RABL6: variants seen among roughly 807,000 people sequenced by gnomAD.
The protein encoded by RABL6 is RAB, member RAS oncogene family like 6, also known as rab-like protein 6.
In RABL6, 28 loss-of-function variants were observed where a neutral mutation model predicts 72.9. That is an observed-to-expected ratio of 0.38 (90% CI 0.28 to 0.53). The LOEUF (loss-of-function observed/expected upper bound fraction) is 0.53. Among genes scored for constraint, RABL6 ranks in the 20% least tolerant of loss-of-function variants. The pLI, the probability that RABL6 is intolerant of heterozygous loss-of-function variation, is 0.80. For missense variants in RABL6, 1,029 were observed against 1,008.4 expected (o/e 1.02, Z -0.28); for synonymous variants, 477 against 421.2 (o/e 1.13, Z -1.62).
At position 136,836,110 on chromosome 9, in the gene RABL6, G is replaced by A. The variant is rs530168557; in HGVS notation, c.809+265G>A. 2.2e-4 allele frequency: 87 copies of A among 400,354 alleles called. 1 individual carries two copies. The Admixed American group carries it at 2.5e-3, about 12-fold the overall frequency. The allele number at this position is 400,354 out of a possible 1,614,324, so 24.8% of individuals were successfully genotyped here. A position where few individuals can be genotyped will look rare whatever the true frequency, so the allele number is the denominator to read the frequency against. ...CCGCTGACCGTGGCCAGGTGCTGGT[G>A]CTCATGGAGTGCTGCTGGGGCTGCC... On this transcript the variant is annotated intron_variant, in intron 8 of 14. Transcript: ENST00000311502.
chr9:136,838,693 C>T (rs547640935), intron 10 of RABL6, among the ~76,000 whole-genome samples: 7 of 152,340 alleles, frequency 4.6e-5, no homozygotes, highest in South Asian at 4.1e-4. Flanking sequence ...ACTGAGCGGC[C>T]GCAGGGCAGC....
intron 5 of RABL6, among the ~76,000 whole-genome samples, chr9:136,829,808 G>A (rs1338517543): frequency 2.6e-5 from 4 of 152,240 alleles, no homozygotes; most frequent in African/African-American, 9.6e-5. Context: ...TGCTTGTGCT[G>A]GGGGCTCCCC....
rs777994206 is a variant in RABL6, at chr9:136,837,893, G to T, written c.1158G>T (p.Thr386=). The T allele has an allele frequency of 3.9e-6, 6 of 1,550,540 alleles. No homozygotes were observed. The highest frequency in any genetic ancestry group is 5.2e-6 in the Non-Finnish European group (6 of 1,147,634). The stretch of plus-strand genomic sequence containing the variant: ...TCCCGGCCGCAGAGGGCCCAGCAAC[G>T]GTCCAGAGTGTGGAGGACTTTGTTC... The part of the protein sequence containing the change: ...EPVPAAEGPA[T]VQSVEDFVPD... Residue 386 remains threonine (T), a synonymous_variant, in exon 10 of 15, where the codon ACG becomes ACT. Coordinates refer to ENST00000311502, the MANE Select transcript of RABL6 (RefSeq NM_024718.5).
At chr9:136,835,878 TG>T in intron 8 of RABL6, 33 bp downstream of exon 8, 1 of 1,539,702 alleles carries the variant, frequency 6.5e-7, no homozygotes. Flanking sequence ...GCGGGCGGTG[TG>T]GGGGCTGCGG....
chr9:136,819,990 C>T (rs1848204773), intron 1 of RABL6, among the ~76,000 whole-genome samples: 1 of 152,092 alleles, frequency 6.6e-6, no homozygotes, highest in Non-Finnish European at 1.5e-5. Context: ...ATTGCCTGAG[C>T]TCAGGAGTTT....
intron 3 of RABL6, 59 bp from the exon 4 acceptor site, chr9:136,828,435 C>T (rs1023131413): frequency 1.3e-5 from 21 of 1,574,252 alleles, no homozygotes; most frequent in Non-Finnish European, 1.7e-5. Flanking sequence ...GACCATGCTC[C>T]TCCTATGGCC....
At chr9:136,813,999 CT>C in intron 1 of RABL6, 2 of 406,004 alleles carry the variant, frequency 4.9e-6, no homozygotes, top group South Asian at 2.0e-5. Context: ...CTTGCTCTTT[CT>C]TACTGTCTTT....
intron 1 of RABL6, 24 bp downstream of exon 1, chr9:136,808,350 C>G (rs1046527582): frequency 6.7e-7 from 1 of 1,485,836 alleles, no homozygotes; most frequent in Non-Finnish European, 8.9e-7. Flanking sequence ...GCCGGGGGGG[C>G]GCGGGAGCGC....
At chr9:136,827,884 AGGGAGGGGACCACGG>A (rs1848391942) in intron 3 of RABL6, 1 of 152,626 alleles carries the variant, frequency 6.6e-6, no homozygotes, top group Non-Finnish European at 1.5e-5. Context: ...GTGGAGTTAA[AGGGAGGGGACCACGG>A]CCCCTCATTC....
intron 1 of RABL6, among the ~76,000 whole-genome samples, chr9:136,822,911 A>AC (rs1848271573): frequency 6.6e-6 from 1 of 151,924 alleles, no homozygotes; most frequent in Admixed American, 6.6e-5. Flanking sequence ...ACACGGTGAA[A>AC]CCCCGTCTCT....
intron 10 of RABL6, among the ~76,000 whole-genome samples, chr9:136,838,434 C>G (rs1848623825): frequency 6.6e-6 from 1 of 152,220 alleles, no homozygotes; most frequent in Admixed American, 6.5e-5. Flanking sequence ...CCCCAGCCAT[C>G]TGCCAGCCCC....
intron 1 of RABL6, among the ~76,000 whole-genome samples, chr9:136,817,511 A>T (rs1225679963): frequency 2.5e-4 from 32 of 126,302 alleles, no homozygotes; most frequent in South Asian, 1.5e-3. Context: ...ACGTGGGCTG[A>T]GGGGAGGCCG....
chr9:136,831,621 A>G, intron 5 of RABL6, 100 bp from the exon 6 acceptor site: 1 of 1,521,164 alleles, frequency 6.6e-7, no homozygotes, highest in Non-Finnish European at 9.0e-7. Flanking sequence ...GGAAATGAGA[A>G]GCAGCCACCA....
chr9:136,828,382 A>G (rs1588362213), intron 3 of RABL6, 112 bp from the exon 4 acceptor site: 1 of 1,067,190 alleles, frequency 9.4e-7, no homozygotes, highest in Non-Finnish European at 1.4e-6. Flanking sequence ...GGGGTGGTGG[A>G]GTAGAGCACC....
At position 136,839,066 on chromosome 9, in the gene RABL6, C is replaced by T. The variant is rs529257515; in HGVS notation, c.1438C>T (p.Pro480Ser). Reference protein sequence around the residue: ...SSEEEAEVAAPTKGPAPAPQQ... With the variant: ...SSEEEAEVAASTKGPAPAPQQ... ...TGAGGAGGAAGCAGAAGTGGCAGCT[C>T]CCACAAAAGGCCCTGCCCCAGCTCC... Residue 480 changes from proline to serine, a missense_variant, in exon 11 of 15, where the codon CCC (proline) becomes TCC (serine). This residue lies in a region of RABL6 where 595 missense variants were observed against 472.4 expected (regional missense o/e 1.26). Coordinates refer to ENST00000311502, the MANE Select transcript of RABL6 (RefSeq NM_024718.5). 3.1e-6 allele frequency: 5 copies of T among 1,612,342 alleles called. No individual in the cohort carries two copies. The highest frequency in any genetic ancestry group is 3.4e-6 in the Non-Finnish European group (4 of 1,179,774).
intron 7 of RABL6, among the ~76,000 whole-genome samples, chr9:136,834,929 T>TAAAA (rs71385775): frequency 1.3e-4 from 10 of 74,394 alleles, no homozygotes; most frequent in East Asian, 4.1e-4. Flanking sequence ...GACCCTGTTC[T>TAAAA]AAAAAAAAAA....
chr9:136,835,562 G>A (rs1848570120), intron 7 of RABL6, 180 bp from the exon 8 acceptor site: 1 of 585,760 alleles, frequency 1.7e-6, no homozygotes, highest in Non-Finnish European at 3.0e-6. Flanking sequence ...GGAATCCTCT[G>A]GGCTTCTGTG....
Position 136,837,411 on chromosome 9 carries a change from G to A in RABL6, c.875G>A (p.Ser292Asn). ...HASPLAANGQ[S>N]PSPGSQSPVV... The stretch of plus-strand genomic sequence containing the variant: ...TCCCCACTGGCGGCCAACGGGCAGA[G>A]CCCATCCCCGGGCTCCCAGTCACCA... Residue 292 changes from serine to asparagine, a missense_variant, in exon 9 of 15, where the codon AGC becomes AAC. Ser to Asn is a conservative substitution (Grantham distance 46, BLOSUM62 1). This residue lies in a region of RABL6 where 434 missense variants were observed against 536.1 expected (regional missense o/e 0.81). Transcript: ENST00000311502. 6.3e-7 allele frequency: 1 copy of A among 1,589,520 alleles called. No homozygotes were observed.
At chr9:136,833,935 A>C (rs1848534808) in intron 7 of RABL6, 1 of 1,549,002 alleles carries the variant, frequency 6.5e-7, no homozygotes, top group Non-Finnish European at 8.7e-7. Context: ...AGAGCTCCCC[A>C]CTGCTCAGCT....
Sources: gnomAD v4.1 joint callset for allele counts (sites outside exome capture counted in the v4.1 genomes callset) on GRCh38, gnomAD v4.1.1 for gene constraint, gnomAD v4.1.1 regional missense constraint, MANE v1.5 for transcripts, NCBI Gene and HGNC (gene_info 2026-07-23, HGNC 2026-07-21) for gene names.